B3GALT1: variants seen among roughly 807,000 people sequenced by gnomAD.
B3GALT1 encodes beta-1,3-galactosyltransferase 1, also known as UDP-Gal:betaGlcNAc beta 1,3-galactosyltransferase, polypeptide 1.
A neutral mutation model predicts 23.2 loss-of-function variants in B3GALT1; 10 were observed. The observed-to-expected ratio is 0.43, with a 90% CI of 0.27 to 0.73. The LOEUF (loss-of-function observed/expected upper bound fraction) is 0.73. Among genes scored for constraint, B3GALT1 ranks in the 30% least tolerant of loss-of-function variants. B3GALT1 has a pLI of 0.21. For missense variants in B3GALT1, 299 were observed against 405.4 expected, an observed-to-expected ratio of 0.74 and a Z score of 2.25; for synonymous variants, 156 against 141.5, an observed-to-expected ratio of 1.10 and a Z score of -0.73.
At chr2:167,710,987 A>T (rs921529025) in intron 3 of B3GALT1, among the ~76,000 whole-genome samples, 1 of 152,112 alleles carries the variant, frequency 6.6e-6, no homozygotes, top group Non-Finnish European at 1.5e-5. Flanking sequence ...ATTTAGAATG[A>T]TATCCAAATG....
chr2:167,466,687 C>G (rs1236869445), intron 1 of B3GALT1, among the ~76,000 whole-genome samples: 6 of 120,284 alleles, frequency 5.0e-5, no homozygotes, highest in Admixed American at 4.8e-4. Flanking sequence ...AAGCTGTCTA[C>G]CTTGTTTATA....
At chr2:167,465,390 T>G (rs757802609) in intron 1 of B3GALT1, among the ~76,000 whole-genome samples, 10 of 152,116 alleles carry the variant, frequency 6.6e-5, no homozygotes, top group Non-Finnish European at 1.0e-4. Flanking sequence ...ATTATAGAAT[T>G]TTTTTCCTCA....
At chr2:167,480,616 C>G (rs1574096899) in intron 1 of B3GALT1, among the ~76,000 whole-genome samples, 1 of 152,124 alleles carries the variant, frequency 6.6e-6, no homozygotes. Context: ...AACAAACAAA[C>G]AAACGAAACC....
chr2:167,423,961 G>A (rs759644939), intron 1 of B3GALT1, among the ~76,000 whole-genome samples: 2 of 152,138 alleles, frequency 1.3e-5, no homozygotes, highest in African/African-American at 4.8e-5. Flanking sequence ...GTGAAGATAC[G>A]ATGAGGTGGT....
intron 2 of B3GALT1, among the ~76,000 whole-genome samples, chr2:167,544,937 T>G (rs1166783413): frequency 1.3e-5 from 2 of 151,042 alleles, no homozygotes; most frequent in East Asian, 3.9e-4. Flanking sequence ...GCGGCAAGAT[T>G]TATAAAAGCG....
chr2:167,303,720 C>G (rs1231592588), intron 1 of B3GALT1, among the ~76,000 whole-genome samples: 1 of 150,956 alleles, frequency 6.6e-6, no homozygotes, highest in Admixed American at 6.6e-5. Flanking sequence ...ACTGGAGAAC[C>G]CTAATACAAA....
At chr2:167,856,590 T>A (rs1229578716) in intron 4 of B3GALT1, among the ~76,000 whole-genome samples, 3 of 152,016 alleles carry the variant, frequency 2.0e-5, no homozygotes, top group Non-Finnish European at 4.4e-5. Context: ...TCAGAAGGAA[T>A]CCAAAGCGGG....
intron 1 of B3GALT1, among the ~76,000 whole-genome samples, chr2:167,440,804 C>T (rs762732301): frequency 9.9e-5 from 15 of 152,020 alleles, no homozygotes; most frequent in Non-Finnish European, 1.6e-4. Context: ...TTTTCCTTTA[C>T]ATTGTGTTCT....
At chr2:167,829,134 G>A (rs888380059) in intron 4 of B3GALT1, among the ~76,000 whole-genome samples, 2 of 152,168 alleles carry the variant, frequency 1.3e-5, no homozygotes, top group Non-Finnish European at 2.9e-5. Flanking sequence ...CTTACTGATT[G>A]TCTATAATGT....
rs561571488 is a variant in B3GALT1 at position 167,458,217 on chromosome 2, C to G, written c.-510-31960C>G. 5.3e-5 allele frequency among the ~76,000 whole-genome samples: 8 copies of G among 152,258 alleles called. No individual in the cohort carries two copies. In the East Asian group the frequency reaches 1.4e-3, roughly 26 times the overall value. On this transcript the variant is annotated intron_variant, in intron 1 of 4. Transcript: ENST00000392690. The stretch of plus-strand genomic sequence containing the variant: ...ATAAGTGGAATCTTATAGTATTTGT[C>G]TTTTTGTGACTGGCTTATTTCATTT...
chr2:167,371,092 A>G (rs1697677116), intron 1 of B3GALT1, among the ~76,000 whole-genome samples: 1 of 152,186 alleles, frequency 6.6e-6, no homozygotes, highest in African/African-American at 2.4e-5. Context: ...AAAAGAAGGG[A>G]TAGCAATCAG....
chr2:167,478,633 T>G (rs75887054), intron 1 of B3GALT1, among the ~76,000 whole-genome samples: 1 of 151,946 alleles, frequency 6.6e-6, no homozygotes, highest in African/African-American at 2.4e-5. Flanking sequence ...TTGTTACATA[T>G]GTATACATGT....
intron 4 of B3GALT1, among the ~76,000 whole-genome samples, chr2:167,833,715 CAAAAT>C (rs1229175223): frequency 6.6e-6 from 1 of 152,054 alleles, no homozygotes; most frequent in Non-Finnish European, 1.5e-5. Flanking sequence ...GACCAAGTCC[CAAAAT>C]AAAACTGGAG....
chr2:167,502,810 C>G (rs1263985161), intron 2 of B3GALT1, among the ~76,000 whole-genome samples: 4 of 152,134 alleles, frequency 2.6e-5, no homozygotes, highest in Non-Finnish European at 4.4e-5. Context: ...GAGGCCAAGG[C>G]AGGTGGATCC....
chr2:167,597,117 G>GTTTTTTTTTTTT (rs1309406987), intron 2 of B3GALT1, among the ~76,000 whole-genome samples: 1 of 131,448 alleles, frequency 7.6e-6, no homozygotes. Flanking sequence ...TTTTGTTTTT[G>GTTTTTTTTTTTT]TTTTTTTTTT....
intron 2 of B3GALT1, among the ~76,000 whole-genome samples, chr2:167,561,642 G>T (rs1336641052): frequency 2.6e-5 from 4 of 152,120 alleles, no homozygotes; most frequent in Non-Finnish European, 5.9e-5. Flanking sequence ...CGATCCCACA[G>T]AAATAAAAAC....
intron 3 of B3GALT1, among the ~76,000 whole-genome samples, chr2:167,658,085 G>T (rs1685986423): frequency 6.6e-6 from 1 of 152,074 alleles, no homozygotes; most frequent in Non-Finnish European, 1.5e-5. Context: ...TCATAAACCA[G>T]CAACTATTTG....
At chr2:167,373,021 A>G (rs1697709063) in intron 1 of B3GALT1, among the ~76,000 whole-genome samples, 1 of 152,100 alleles carries the variant, frequency 6.6e-6, no homozygotes, top group African/African-American at 2.4e-5. Flanking sequence ...CAAAACATAG[A>G]TACATACATC....
At chr2:167,670,205 C>T (rs1185086632) in intron 3 of B3GALT1, among the ~76,000 whole-genome samples, 7 of 152,150 alleles carry the variant, frequency 4.6e-5, no homozygotes, top group Non-Finnish European at 8.8e-5. Flanking sequence ...AAGAAGGTGT[C>T]TAACCTGGAA....
Sources: allele counts gnomAD v4.1 joint callset (sites outside exome capture counted in the v4.1 genomes callset), GRCh38; gene constraint gnomAD v4.1.1; transcripts MANE v1.5; gene names NCBI Gene and HGNC (gene_info 2026-07-23, HGNC 2026-07-21).